Variants in SIPA1L3 observed in about 807,000 individuals in gnomAD.
The protein encoded by SIPA1L3 is signal-induced proliferation-associated 1-like protein 3.
In SIPA1L3, 59 loss-of-function variants were observed where a neutral mutation model predicts 150.1. The observed-to-expected ratio is 0.39, with a 90% CI of 0.32 to 0.49. The LOEUF (loss-of-function observed/expected upper bound fraction) is 0.49. Among genes scored for constraint, SIPA1L3 ranks in the 20% least tolerant of loss-of-function variants. The probability of loss-of-function intolerance (pLI) is 0.86; values close to 1 mark genes in which losing one functional copy is unlikely to be tolerated. For synonymous variants in SIPA1L3, 1,070 were observed against 1,077.6 expected, an observed-to-expected ratio of 0.99 and a Z score of 0.14; for missense variants, 2,211 against 2,489.5, an observed-to-expected ratio of 0.89 and a Z score of 2.38.
At chr19:38,159,174 C>T (rs2145973816) in intron 13 of SIPA1L3, among the ~76,000 whole-genome samples, 1 of 152,224 alleles carries the variant, frequency 6.6e-6, no homozygotes, top group East Asian at 1.9e-4. Flanking sequence ...GTGAAAGCCA[C>T]ACACGCGGTG....
At position 38,082,717 on chromosome 19, in the gene SIPA1L3, C is replaced by G. The variant is rs61729134; in HGVS notation, c.1152C>G (p.Leu384=). 1.3e-3 allele frequency: 2,089 copies of G among 1,611,688 alleles called. 24 individuals carry two copies. In the African/African-American group the frequency reaches 0.025, roughly 19 times the overall value. The change falls in exon 3 of 22, where the codon CTC becomes CTG. Residue 384 remains leucine, a synonymous_variant. Coordinates refer to ENST00000222345, the MANE Select transcript of SIPA1L3 (RefSeq NM_015073.3). ...CCGCCGCCTCGGCCATGGCCTCCCT[C>G]ACGGCCTCGCGGGCCCACAGCCTCG... ...AASAASAMAS[L]TASRAHSLGG...
chr19:38,156,565 C>T (rs1336221235), intron 13 of SIPA1L3, among the ~76,000 whole-genome samples: 2 of 150,330 alleles, frequency 1.3e-5, no homozygotes, highest in Non-Finnish European at 3.0e-5. Context: ...TGGCTCACGC[C>T]TGTAATCCCA....
At chr19:38,144,243 C>T (rs1267826877) in intron 12 of SIPA1L3, among the ~76,000 whole-genome samples, 2 of 152,206 alleles carry the variant, frequency 1.3e-5, no homozygotes, top group South Asian at 2.1e-4. Context: ...TGCTTGCGCA[C>T]GTGCATGTAT....
chr19:38,158,701 G>A (rs1280209629), intron 13 of SIPA1L3, among the ~76,000 whole-genome samples: 1 of 152,234 alleles, frequency 6.6e-6, no homozygotes, highest in Admixed American at 6.5e-5. Flanking sequence ...TCTTGATGAT[G>A]CCTAGTTGTG....
intron 1 of SIPA1L3, among the ~76,000 whole-genome samples, chr19:37,939,418 AAAG>A (rs199728132): frequency 1.6e-4 from 24 of 151,974 alleles, no homozygotes; most frequent in African/African-American, 5.8e-4. Context: ...AAAAAAAAAA[AAAG>A]GATTAGTTTC....
chr19:38,196,108 C>T (rs971806786), intron 18 of SIPA1L3, among the ~76,000 whole-genome samples: 1 of 152,160 alleles, frequency 6.6e-6, no homozygotes, highest in South Asian at 2.1e-4. Context: ...TGTGCCTGCT[C>T]CAGAGCCCTT....
At chr19:38,167,213 C>T (rs1032708028) in intron 15 of SIPA1L3, among the ~76,000 whole-genome samples, 28 of 114,908 alleles carry the variant, frequency 2.4e-4, no homozygotes, top group African/African-American at 8.1e-4. Context: ...AGCCTGGCAA[C>T]AGAGCGAGAT....
chr19:38,085,153 CAG>C (rs1344501272), intron 3 of SIPA1L3, among the ~76,000 whole-genome samples: 3 of 151,936 alleles, frequency 2.0e-5, no homozygotes, highest in Non-Finnish European at 4.4e-5. Context: ...CATGCACAAA[CAG>C]AATGACACAG....
At chr19:38,065,919 T>C (rs4802225) in intron 2 of SIPA1L3, among the ~76,000 whole-genome samples, 1,155 of 103,686 alleles carry the variant, frequency 0.011, 7 homozygotes, top group African/African-American at 0.016. Flanking sequence ...ATTTATCTAT[T>C]TATTTATTTA....
At chr19:37,959,980 CAT>C (rs961410734) in intron 1 of SIPA1L3, among the ~76,000 whole-genome samples, 15 of 152,140 alleles carry the variant, frequency 9.9e-5, no homozygotes, top group African/African-American at 3.6e-4. Flanking sequence ...ATTATTGTCA[CAT>C]GTTACAAGCC....
intron 1 of SIPA1L3, among the ~76,000 whole-genome samples, chr19:37,975,091 T>G (rs1263673386): frequency 1.3e-5 from 2 of 152,186 alleles, no homozygotes; most frequent in African/African-American, 4.8e-5. Context: ...TCTGGGCTGC[T>G]GGACACAGGA....
At chr19:38,125,097 G>A (rs1470147557) in intron 9 of SIPA1L3, among the ~76,000 whole-genome samples, 2 of 151,802 alleles carry the variant, frequency 1.3e-5, no homozygotes, top group Non-Finnish European at 2.9e-5. Context: ...GTGCAGCAGA[G>A]CGATCTCGGC....
At chr19:38,030,651 T>TATATATATATATATATA (rs71179404) in intron 2 of SIPA1L3, among the ~76,000 whole-genome samples, 4 of 80,378 alleles carry the variant, frequency 5.0e-5, no homozygotes, top group South Asian at 3.5e-4. Flanking sequence ...TATATATATA[T>TATATATATATATATATA]GGCAAATACT....
At chr19:38,009,414 G>A (rs1056516124) in intron 1 of SIPA1L3, among the ~76,000 whole-genome samples, 2 of 152,134 alleles carry the variant, frequency 1.3e-5, no homozygotes, top group Non-Finnish European at 2.9e-5. Context: ...CACTTAGGCT[G>A]TGTGCTTAAT....
rs13343460 is a variant in SIPA1L3 at position 37,982,120 on chromosome 19, T to C, written c.-378-46969T>C. Among the ~76,000 whole-genome samples the C allele has an allele frequency of 8.0e-3, 1,213 of 152,282 alleles. 16 individuals are homozygous for C. Among genetic ancestry groups the C allele is most frequent in the African/African-American group, 0.027 (1,114 of 41,556 alleles). On this transcript the variant is annotated intron_variant, in intron 1 of 21. Coordinates refer to ENST00000222345, the MANE Select transcript of SIPA1L3 (RefSeq NM_015073.3). Reference sequence around the variant, plus strand: ...GGAAGGAAGACTGTGAGGGACACAGTTGTAAAGGTTCTCGAATTGTATCTG... The same window carrying C: ...GGAAGGAAGACTGTGAGGGACACAGCTGTAAAGGTTCTCGAATTGTATCTG...
Position 38,082,396 on chromosome 19 carries a change from G to A in SIPA1L3, c.831G>A (p.Thr277=), listed in dbSNP as rs372078777. ...AKDSLLPLQP[T]KEKEKARKKP... ...ACAGCCTCCTGCCACTGCAGCCCAC[G>A]AAGGAGAAGGAGAAGGCCCGGAAGA... is the stretch of plus-strand genomic sequence containing the variant. Residue 277 remains threonine (T), a synonymous_variant, in exon 3 of 22, where the codon ACG becomes ACA. Transcript: ENST00000222345. 148 of 1,597,140 alleles carry A rather than the reference G, an allele frequency of 9.3e-5. No individual in the cohort carries two copies. In the African/African-American group the frequency reaches 1.5e-3, roughly 16 times the overall value.
intron 2 of SIPA1L3, among the ~76,000 whole-genome samples, chr19:38,079,879 C>A (rs1969937821): frequency 6.6e-6 from 1 of 152,134 alleles, no homozygotes; most frequent in Admixed American, 6.5e-5. Flanking sequence ...GAAGAACTGA[C>A]ATCATGGGAA....
rs956757192 is a variant in SIPA1L3, at chr19:38,156,595, C to T, written c.3661+3628C>T. Among the ~76,000 whole-genome samples the T allele has an allele frequency of 1.9e-4, 29 of 151,068 alleles. 1 individual carries two copies. The highest frequency in any genetic ancestry group is 9.9e-4 in the Admixed American group (15 of 15,122). On this transcript the variant is annotated intron_variant, in intron 13 of 21. Transcript: ENST00000222345. Reference sequence around the variant, plus strand: ...ATCCCAGCACTTTGGGAGGCCGAGGCGGGTGGATCACTTGAGGTCAGGAGC... The same window carrying T: ...ATCCCAGCACTTTGGGAGGCCGAGGTGGGTGGATCACTTGAGGTCAGGAGC...
chr19:37,972,168 A>AGTGTGTGT (rs34744094), intron 1 of SIPA1L3, among the ~76,000 whole-genome samples: 7,377 of 144,924 alleles, frequency 0.051, 355 homozygotes, highest in African/African-American at 0.12. Flanking sequence ...AGAGATACCT[A>AGTGTGTGT]GTGTGTGTGT....
Sources: gnomAD v4.1 joint callset for allele counts (sites outside exome capture counted in the v4.1 genomes callset) on GRCh38, gnomAD v4.1.1 for gene constraint, MANE v1.5 for transcripts, NCBI Gene and HGNC (gene_info 2026-07-23, HGNC 2026-07-21) for gene names.